HMGN2: variants seen among roughly 807,000 people sequenced by gnomAD.
HMGN2 encodes high mobility group nucleosomal binding domain 2.
In HMGN2, 2 loss-of-function variants were observed where a neutral mutation model predicts 16.9. The observed-to-expected ratio is 0.12, with a 90% CI of 0.05 to 0.37. The LOEUF (loss-of-function observed/expected upper bound fraction) is 0.37. HMGN2 is among the 10% of genes least tolerant of loss of function. HMGN2 has a pLI of 1.00. For missense variants in HMGN2, 90 were observed against 106.0 expected (o/e 0.85, Z 0.66); for synonymous variants, 31 against 34.9 (o/e 0.89, Z 0.39).
In HMGN2 at chr1:26,473,503, A is replaced by T; in HGVS notation, c.36A>T (p.Gly12=). 6.2e-7 allele frequency: 1 copy of T among 1,613,444 alleles called. No individual in the cohort carries two copies. The highest frequency in any genetic ancestry group is 8.5e-7 in the Non-Finnish European group (1 of 1,179,374). The change falls in exon 2 of 6, where the codon GGA becomes GGT. Residue 12 remains glycine (G), a synonymous_variant. Transcript: ENST00000361427. ...TATAGGCTGAAGGGGATGCTAAGGGAGATAAAGCAAAGGTGAAGGACGAAG... is the reference window on the plus strand; with the variant it reads ...TATAGGCTGAAGGGGATGCTAAGGGTGATAAAGCAAAGGTGAAGGACGAAG... ...PKRKAEGDAK[G]DKAKVKDEPQ... is the part of the protein sequence containing the mutation.
At chr1:26,474,205 G>A in intron 4 of HMGN2, 70 bp downstream of exon 4, 5 of 1,097,824 alleles carry the variant, frequency 4.6e-6, no homozygotes, top group Admixed American at 2.3e-5. Flanking sequence ...AACTTAATTA[G>A]CATAATGGTG....
rs1190483370 is a variant in HMGN2 at position 26,475,444 on chromosome 1, A to G, written c.*296A>G. Reference sequence around the variant, plus strand: ...TTCCCTGACTTTGACACACATGGCCACCTTGGCACAAAAGCCTTGTGGTAT... The same window carrying G: ...TTCCCTGACTTTGACACACATGGCCGCCTTGGCACAAAAGCCTTGTGGTAT... On this transcript the variant is annotated 3_prime_UTR_variant, in exon 6 of 6. Coordinates refer to ENST00000361427, the MANE Select transcript of HMGN2 (RefSeq NM_005517.4). 6 of 330,734 alleles carry G rather than the reference A, an allele frequency of 1.8e-5. No individual in the cohort carries two copies. The highest frequency in any genetic ancestry group is 2.8e-5 in the Non-Finnish European group (5 of 177,820). The allele number at this position is 330,734 out of a possible 1,614,324, so 20.5% of individuals were successfully genotyped here.
chr1:26,475,747 T>C lies in HMGN2; in HGVS notation c.*599T>C. The C allele has an allele frequency of 3.0e-6, 1 of 333,120 alleles. No homozygotes were observed. The highest frequency in any genetic ancestry group is 5.9e-6 in the Non-Finnish European group (1 of 170,006). The allele number at this position is 333,120 out of a possible 1,614,324, so 20.6% of individuals were successfully genotyped here. ...TGTGAAAAGTTGTTAAACAACATGC[T>C]AAATGTGAAATGTCAACCCTCACTC... On this transcript the variant is annotated 3_prime_UTR_variant, in exon 6 of 6. Transcript: ENST00000361427.
intron 4 of HMGN2, among the ~76,000 whole-genome samples, 176 bp downstream of exon 4, chr1:26,474,311 T>G (rs1335013561): frequency 6.6e-6 from 1 of 152,208 alleles, no homozygotes; most frequent in Non-Finnish European, 1.5e-5. Flanking sequence ...GTTGTTAGTT[T>G]ATAGGAAAAT....
intron 1 of HMGN2, among the ~76,000 whole-genome samples, chr1:26,472,860 G>A (rs2075581221): frequency 6.6e-6 from 1 of 151,830 alleles, no homozygotes; most frequent in Non-Finnish European, 1.5e-5. Flanking sequence ...AGCCATGTTG[G>A]CGGCTGTTTA....
chr1:26,476,175 G>A lies in HMGN2; in HGVS notation c.*1027G>A, dbSNP rs1222375444. On this transcript the variant is annotated 3_prime_UTR_variant, in exon 6 of 6. Transcript: ENST00000361427. ...GACTTAGCTGATGGTGAAAGGCTGG[G>A]AGTATGGAGTGATTTCTGTACTTGG... Among the ~76,000 whole-genome samples the A allele has an allele frequency of 6.6e-6, 1 of 152,204 alleles. No individual in the cohort carries two copies. The highest frequency in any genetic ancestry group is 1.5e-5 in the Non-Finnish European group (1 of 68,036).
At chr1:26,473,458 A>G in intron 1 of HMGN2, 25 bp from the exon 2 acceptor site, 2 of 1,585,040 alleles carry the variant, frequency 1.3e-6, no homozygotes, top group Non-Finnish European at 1.7e-6. Flanking sequence ...CAAAATCTGC[A>G]GTTTTTTGTT....
At chr1:26,474,027 G>A in intron 3 of HMGN2, 58 bp from the exon 4 acceptor site, 1 of 1,441,172 alleles carries the variant, frequency 6.9e-7, no homozygotes, top group Non-Finnish European at 9.6e-7. Flanking sequence ...GTTGTGGGTG[G>A]TTTTCTTCAG....
In HMGN2 at chr1:26,472,493, C is replaced by A. The variant is rs1311858846; in HGVS notation, c.-120C>A. On this transcript the variant is annotated 5_prime_UTR_variant, in exon 1 of 6. Coordinates refer to ENST00000361427, the MANE Select transcript of HMGN2 (RefSeq NM_005517.4). ...CCCAGCGCTATAAAAACTTTATAAA[C>A]CCCCCGGAGCCCGAGCAGTGTGAAG... 4.9e-6 allele frequency: 6 copies of A among 1,222,508 alleles called. No homozygotes were observed. The highest frequency in any genetic ancestry group is 4.6e-6 in the Non-Finnish European group (4 of 866,862). 75.7% of individuals were successfully genotyped at this position (1,222,508 alleles called of 1,614,324 possible). A position where few individuals can be genotyped will look rare whatever the true frequency, so the allele number is the denominator to read the frequency against.
chr1:26,472,656 GGCCACCACTGCC>G lies in HMGN2; in HGVS notation c.15+36_15+47del, dbSNP rs752840619. 4.3e-4 allele frequency: 653 copies of G among 1,521,968 alleles called. 3 individuals carry two copies. Among genetic ancestry groups the G allele is most frequent in the South Asian group, 4.1e-3 (345 of 83,590 alleles). 94.3% of individuals were successfully genotyped at this position (1,521,968 alleles called of 1,614,324 possible). A position where few individuals can be genotyped will look rare whatever the true frequency, so the allele number is the denominator to read the frequency against. ...CGTGGCGCGAGGGCCCCAGGCGCCG[GGCCACCACTGCC>G]GCCACCGCCGCCGCCGCCTCCCTGG... is the stretch of plus-strand genomic sequence containing the variant. On this transcript the variant is annotated intron_variant, in intron 1 of 5. Transcript: ENST00000361427.
rs1453604226 is a variant in HMGN2 at position 26,476,163 on chromosome 1, G to A, written c.*1015G>A. ...ATTCCAGGAGTAGACTTAGCTGATG[G>A]TGAAAGGCTGGGAGTATGGAGTGAT... On this transcript the variant is annotated 3_prime_UTR_variant, in exon 6 of 6. Transcript: ENST00000361427. Among the ~76,000 whole-genome samples, 1 of 152,192 alleles carries A rather than the reference G, an allele frequency of 6.6e-6. No individual in the cohort carries two copies. Among genetic ancestry groups the A allele is most frequent in the Non-Finnish European group, 1.5e-5 (1 of 68,036 alleles).
At chr1:26,473,634 G>A in intron 2 of HMGN2, 69 bp from the exon 3 acceptor site, 1 of 1,577,404 alleles carries the variant, frequency 6.3e-7, no homozygotes, top group South Asian at 1.1e-5. Context: ...ATAATCTAGA[G>A]CAAATTGATA....
chr1:26,472,723 G>A, intron 1 of HMGN2, 96 bp downstream of exon 1: 2 of 1,167,136 alleles, frequency 1.7e-6, no homozygotes, highest in Non-Finnish European at 2.3e-6. Context: ...CGCCGAGCAG[G>A]AGCCAGCGCA....
intron 1 of HMGN2, chr1:26,473,211 C>A (rs2075586702): frequency 4.3e-6 from 2 of 467,488 alleles, no homozygotes; most frequent in Non-Finnish European, 7.6e-6. Context: ...GGTTTGTTTG[C>A]GCCATCTGCA....
At chr1:26,474,945 G>A (rs1204818075) in intron 5 of HMGN2, 168 bp from the exon 6 acceptor site, 1 of 630,782 alleles carries the variant, frequency 1.6e-6, no homozygotes, top group African/African-American at 1.8e-5. Context: ...GCCCAGAGGA[G>A]AGGTGACTTA....
chr1:26,473,756 C>T (rs765379118), intron 3 of HMGN2, 24 bp downstream of exon 3: 11 of 1,610,994 alleles, frequency 6.8e-6, no homozygotes, highest in African/African-American at 1.3e-5. Flanking sequence ...TTTGAATTTT[C>T]GTGCTTGTCC....
Position 26,475,678 on chromosome 1 carries a change from A to C in HMGN2, c.*530A>C, listed in dbSNP as rs1553125183. 27 of 331,090 alleles carry C rather than the reference A, an allele frequency of 8.2e-5. 1 individual carries two copies. The highest frequency in any genetic ancestry group is 5.9e-4 in the South Asian group (26 of 44,044). 20.5% of individuals were successfully genotyped at this position (331,090 alleles called of 1,614,324 possible). ...TTTCTAGATTGTGGATCTTCAGATA[A>C]ATTCTGCCATTTTCATTTCACTTCC... On this transcript the variant is annotated 3_prime_UTR_variant, in exon 6 of 6. Coordinates refer to ENST00000361427, the MANE Select transcript of HMGN2 (RefSeq NM_005517.4).
rs764446440 is a variant in HMGN2, at chr1:26,472,660, ACCACTGCCG to A, written c.15+38_15+46del. 515 of 1,513,756 alleles carry A rather than the reference ACCACTGCCG, an allele frequency of 3.4e-4. 1 individual carries two copies. Among genetic ancestry groups the A allele is most frequent in the Non-Finnish European group, 4.0e-4 (459 of 1,135,430 alleles). The allele number at this position is 1,513,756 out of a possible 1,614,324, so 93.8% of individuals were successfully genotyped here. The stretch of plus-strand genomic sequence containing the variant: ...GCGCGAGGGCCCCAGGCGCCGGGCC[ACCACTGCCG>A]CCACCGCCGCCGCCGCCTCCCTGGT... On this transcript the variant is annotated intron_variant, in intron 1 of 5. Coordinates refer to ENST00000361427, the MANE Select transcript of HMGN2 (RefSeq NM_005517.4).
chr1:26,474,546 CAG>C (rs1172905962), intron 4 of HMGN2, 24 bp from the exon 5 acceptor site: 1 of 1,076,030 alleles, frequency 9.3e-7, no homozygotes. Flanking sequence ...TGGGGAGAAA[CAG>C]TTCTATTTTT....
Sources: allele counts gnomAD v4.1 joint callset (sites outside exome capture counted in the v4.1 genomes callset), GRCh38; gene constraint gnomAD v4.1.1; transcripts MANE v1.5; gene names NCBI Gene and HGNC (gene_info 2026-07-23, HGNC 2026-07-21).